The following PCSK5 variants were observed in gnomAD, a reference collection of about 807,000 sequenced individuals.
PCSK5 encodes prohormone convertase 5.
A neutral mutation model predicts 233.2 loss-of-function variants in PCSK5; 129 were observed. The observed-to-expected ratio is 0.55, with a 90% CI of 0.48 to 0.64. The LOEUF is 0.64. PCSK5 is among the 30% of genes least tolerant of loss of function. PCSK5 has a pLI of 0.00. For synonymous variants in PCSK5, 825 were observed against 879.2 expected (o/e 0.94, Z 1.09); for missense variants, 2,076 against 2,430.1 (o/e 0.85, Z 3.06).
intron 12 of PCSK5, among the ~76,000 whole-genome samples, chr9:76,162,565 T>G (rs1007198705): frequency 6.6e-6 from 1 of 151,978 alleles, no homozygotes; most frequent in African/African-American, 2.4e-5. Flanking sequence ...AGAGGTCAGG[T>G]TTTAGAAGGA....
At chr9:75,942,882 C>CTTTTTTTTT (rs35508069) in intron 2 of PCSK5, among the ~76,000 whole-genome samples, 6 of 112,954 alleles carry the variant, frequency 5.3e-5, no homozygotes, top group Non-Finnish European at 8.9e-5. Context: ...TTTTCTTCTT[C>CTTTTTTTTT]TTCTTTTTTT....
At chr9:76,027,175 C>G in intron 5 of PCSK5, 138 bp downstream of exon 5, 1 of 574,412 alleles carries the variant, frequency 1.7e-6, no homozygotes, top group Non-Finnish European at 3.2e-6. Flanking sequence ...AAGTGTCTTT[C>G]CACTGAAGCC....
At chr9:76,037,072 T>C (rs7033416) in intron 5 of PCSK5, among the ~76,000 whole-genome samples, 47,487 of 152,158 alleles carry the variant, frequency 0.31, 8,522 homozygotes, top group African/African-American at 0.49. Flanking sequence ...TAAATGATTA[T>C]ATAAATTTGA....
chr9:76,291,588 G>A (rs190709943), intron 24 of PCSK5, among the ~76,000 whole-genome samples: 3 of 152,296 alleles, frequency 2.0e-5, no homozygotes, highest in Admixed American at 2.0e-4. Context: ...AGAGAAATAG[G>A]CTGAGATGAT....
chr9:76,033,535 T>C (rs1828734355), intron 5 of PCSK5, among the ~76,000 whole-genome samples: 1 of 152,070 alleles, frequency 6.6e-6, no homozygotes, highest in Non-Finnish European at 1.5e-5. Flanking sequence ...ACTACAAGTG[T>C]ACATGTACAT....
At chr9:75,938,146 G>A (rs1298826213) in intron 2 of PCSK5, among the ~76,000 whole-genome samples, 1 of 152,170 alleles carries the variant, frequency 6.6e-6, no homozygotes, top group Non-Finnish European at 1.5e-5. Flanking sequence ...CTTTCGACAT[G>A]TCTTTCTTAC....
chr9:76,194,364 A>G (rs1294835883), intron 20 of PCSK5: 1 of 152,186 alleles, frequency 6.6e-6, no homozygotes, highest in African/African-American at 2.4e-5. Context: ...AAGAAATGGA[A>G]TTTATTTAAA....
chr9:76,354,209 G>T lies in PCSK5; in HGVS notation c.5244G>T (p.Gln1748His). The T allele has an allele frequency of 6.3e-7, 1 of 1,577,706 alleles. No individual in the cohort carries two copies. Among genetic ancestry groups the T allele is most frequent in the East Asian group, 2.3e-5 (1 of 43,100 alleles). Residue 1748 changes from glutamine to histidine, a missense_variant, in exon 37 of 38, where the codon CAG becomes CAT. Gln to His is a conservative substitution (Grantham distance 24). Coordinates refer to ENST00000674117, the MANE Select transcript of PCSK5 (RefSeq NM_001372043.1). ...GTGCCCAGGAGTGCTGTGACTGCCA[G>T]GACACCACGGGTGAGGGAAGAGCAA... The part of the protein sequence containing the change: ...PPSAQECCDC[Q>H]DTTDECILRT...
At chr9:75,957,920 T>A (rs922808971) in intron 2 of PCSK5, among the ~76,000 whole-genome samples, 1 of 152,188 alleles carries the variant, frequency 6.6e-6, no homozygotes, top group East Asian at 1.9e-4. Context: ...TATGTTATCA[T>A]TTAGTGTTTC....
chr9:76,240,556 A>C, intron 23 of PCSK5, 60 bp from the exon 24 acceptor site: 1 of 1,127,440 alleles, frequency 8.9e-7, no homozygotes, highest in East Asian at 2.6e-5. Context: ...TTTTTGTAGC[A>C]ATTAACGTGT....
intron 16 of PCSK5, among the ~76,000 whole-genome samples, chr9:76,182,819 A>G (rs986802811): frequency 6.6e-6 from 1 of 152,228 alleles, no homozygotes; most frequent in Non-Finnish European, 1.5e-5. Context: ...TGCACAACCT[A>G]AGGAGACAAA....
At chr9:76,219,037 G>A (rs1200797845) in intron 20 of PCSK5, among the ~76,000 whole-genome samples, 1 of 152,190 alleles carries the variant, frequency 6.6e-6, no homozygotes, top group African/African-American at 2.4e-5. Flanking sequence ...CTCTTAGACA[G>A]TGTTAATGAG....
At position 75,967,046 on chromosome 9, in the gene PCSK5, G is replaced by A. The variant is rs948459299; in HGVS notation, c.298-19086G>A. 4.0e-5 allele frequency among the ~76,000 whole-genome samples: 6 copies of A among 150,048 alleles called. No individual in the cohort carries two copies. The East Asian group carries it at 1.2e-3, about 30-fold the overall frequency. ...AATCCATTTCCTCTTGAATCTTACTGCAAATACAGGGTAACATTTCCACCC... is the reference window on the plus strand; with the variant it reads ...AATCCATTTCCTCTTGAATCTTACTACAAATACAGGGTAACATTTCCACCC... On this transcript the variant is annotated intron_variant, in intron 2 of 37. Transcript: ENST00000674117.
intron 9 of PCSK5, among the ~76,000 whole-genome samples, chr9:76,114,212 G>A (rs1832335193): frequency 6.6e-6 from 1 of 152,096 alleles, no homozygotes; most frequent in Non-Finnish European, 1.5e-5. Flanking sequence ...GGTTTATAAG[G>A]TAAAAACAAT....
At chr9:75,924,411 G>A (rs1823388558) in intron 1 of PCSK5, among the ~76,000 whole-genome samples, 1 of 152,194 alleles carries the variant, frequency 6.6e-6, no homozygotes, top group Non-Finnish European at 1.5e-5. Context: ...TGATGCAATA[G>A]CATTTACGAA....
At chr9:75,968,146 A>G (rs1412265008) in intron 2 of PCSK5, among the ~76,000 whole-genome samples, 1 of 152,216 alleles carries the variant, frequency 6.6e-6, no homozygotes, top group Non-Finnish European at 1.5e-5. Flanking sequence ...TTGTTGATTC[A>G]CTGATGCAAC....
intron 9 of PCSK5, among the ~76,000 whole-genome samples, chr9:76,111,988 A>G (rs1269412581): frequency 6.6e-6 from 1 of 152,220 alleles, no homozygotes; most frequent in Non-Finnish European, 1.5e-5. Flanking sequence ...GCTCAGAATA[A>G]TAAGTTGTAC....
chr9:76,325,733 G>T (rs139476545), intron 32 of PCSK5, among the ~76,000 whole-genome samples: 1,925 of 152,058 alleles, frequency 0.013, 40 homozygotes, highest in African/African-American at 0.044. Context: ...CGCCTCCCTG[G>T]TTCAAGAGAT....
intron 10 of PCSK5, among the ~76,000 whole-genome samples, chr9:76,149,407 A>C (rs566637420): frequency 3.3e-5 from 5 of 152,244 alleles, no homozygotes; most frequent in Non-Finnish European, 5.9e-5. Context: ...ATAAATGTCA[A>C]CTAAATTCTC....
Sources: allele counts gnomAD v4.1 joint callset (sites outside exome capture counted in the v4.1 genomes callset), GRCh38; gene constraint gnomAD v4.1.1; transcripts MANE v1.5; gene names NCBI Gene and HGNC (gene_info 2026-07-23, HGNC 2026-07-21).